The following ABLIM3 variants were observed in gnomAD, a reference collection of about 807,000 sequenced individuals.
ABLIM3 encodes the protein actin-binding LIM protein 3.
ABLIM3 carries 61 observed loss-of-function variants against 109.5 expected under a neutral mutation model. The observed-to-expected ratio is 0.56, with a 90% CI of 0.45 to 0.69. The LOEUF (loss-of-function observed/expected upper bound fraction) is 0.69. ABLIM3 is among the 30% of genes least tolerant of loss of function. The pLI is 0.00. For synonymous variants in ABLIM3, 300 were observed against 324.8 expected, an observed-to-expected ratio of 0.92 and a Z score of 0.82; for missense variants, 796 against 889.5, an observed-to-expected ratio of 0.89 and a Z score of 1.34.
rs541830091 is a variant in ABLIM3, at chr5:149,151,356, T to A, written c.13+9248T>A. 1.6e-4 allele frequency among the ~76,000 whole-genome samples: 25 copies of A among 152,356 alleles called. No homozygotes were observed. The South Asian group carries it at 5.0e-3, about 30-fold the overall frequency. On this transcript the variant is annotated intron_variant, in intron 2 of 23. Coordinates refer to ENST00000309868, the MANE Select transcript of ABLIM3 (RefSeq NM_014945.5). ...GTAAAGACTCTATTGCCAAATACGGTTATATTCTGAGGTACTGAGGGGTAG... is the reference window on the plus strand; with the variant it reads ...GTAAAGACTCTATTGCCAAATACGGATATATTCTGAGGTACTGAGGGGTAG...
intron 2 of ABLIM3, among the ~76,000 whole-genome samples, chr5:149,165,018 G>A (rs984518651): frequency 6.6e-6 from 1 of 152,138 alleles, no homozygotes; most frequent in African/African-American, 2.4e-5. Flanking sequence ...GCTTTTTGTT[G>A]GAGGACACAT....
At chr5:149,225,624 A>T (rs1240949824) in intron 8 of ABLIM3, among the ~76,000 whole-genome samples, 1 of 152,016 alleles carries the variant, frequency 6.6e-6, no homozygotes, top group Non-Finnish European at 1.5e-5. Flanking sequence ...TTCTTCAGTG[A>T]CGTTTTGTGA....
intron 15 of ABLIM3, 168 bp downstream of exon 15, chr5:149,242,706 G>T (rs549294718): frequency 5.3e-5 from 38 of 713,248 alleles, no homozygotes; most frequent in Non-Finnish European, 7.4e-5. Flanking sequence ...GCAGAGTTTG[G>T]TATCATTTCA....
chr5:149,232,950 T>C (rs1717813921), intron 9 of ABLIM3, among the ~76,000 whole-genome samples: 1 of 152,220 alleles, frequency 6.6e-6, no homozygotes, highest in Admixed American at 6.5e-5. Context: ...TAACTCAAAA[T>C]GAAAAGTTTT....
intron 8 of ABLIM3, among the ~76,000 whole-genome samples, chr5:149,228,526 C>T (rs1761537514): frequency 1.3e-5 from 2 of 152,174 alleles, no homozygotes; most frequent in South Asian, 4.1e-4. Flanking sequence ...AGAGAATAAC[C>T]ATCTTCTTCA....
At chr5:149,151,038 T>C (rs1314051448) in intron 2 of ABLIM3, among the ~76,000 whole-genome samples, 4 of 152,274 alleles carry the variant, frequency 2.6e-5, no homozygotes, top group East Asian at 3.8e-4. Flanking sequence ...CTAGGGCTAC[T>C]GCACCAAAGT....
chr5:149,189,397 C>T (rs566125138), intron 3 of ABLIM3, among the ~76,000 whole-genome samples: 67 of 152,178 alleles, frequency 4.4e-4, no homozygotes, highest in African/African-American at 1.6e-3. Context: ...TCAAAATACA[C>T]CATCAAGAAT....
At chr5:149,208,348 TTGTC>T (rs1447895924) in intron 6 of ABLIM3, among the ~76,000 whole-genome samples, 1 of 123,382 alleles carries the variant, frequency 8.1e-6, no homozygotes, top group Non-Finnish European at 1.7e-5. Flanking sequence ...ATCTATCTTT[TTGTC>T]TCTCTCTCTC....
intron 8 of ABLIM3, chr5:149,220,402 G>A (rs1404625895): frequency 6.6e-6 from 1 of 152,200 alleles, no homozygotes; most frequent in African/African-American, 2.4e-5. Context: ...AGATGAGCCT[G>A]TCACCTTCTC....
intron 2 of ABLIM3, among the ~76,000 whole-genome samples, chr5:149,174,021 C>CAAAAAAAAAAAAAAAAAA (rs57000637): frequency 2.5e-5 from 1 of 40,218 alleles, no homozygotes; most frequent in African/African-American, 8.9e-5. Context: ...GACTCCGTCT[C>CAAAAAAAAAAAAAAAAAA]AAAAAAAAAA....
intron 6 of ABLIM3, among the ~76,000 whole-genome samples, chr5:149,210,366 A>G (rs1455960045): frequency 2.0e-5 from 3 of 152,206 alleles, no homozygotes; most frequent in African/African-American, 7.2e-5. Context: ...ATTCTGACTC[A>G]TAGGGTTGCC....
chr5:149,226,622 G>A (rs1761311929), intron 8 of ABLIM3, among the ~76,000 whole-genome samples: 1 of 152,192 alleles, frequency 6.6e-6, no homozygotes, highest in Admixed American at 6.5e-5. Context: ...CTGGTGACCT[G>A]CAGTATCTAA....
chr5:149,251,050 G>GCAGGGT (rs1753875559), intron 20 of ABLIM3, among the ~76,000 whole-genome samples: 1 of 152,208 alleles, frequency 6.6e-6, no homozygotes, highest in Non-Finnish European at 1.5e-5. Flanking sequence ...AGAGTTCATG[G>GCAGGGT]AAGGAGTGAC....
chr5:149,228,863 G>A (rs183413162), intron 8 of ABLIM3, among the ~76,000 whole-genome samples: 22 of 152,228 alleles, frequency 1.4e-4, no homozygotes, highest in African/African-American at 5.3e-4. Flanking sequence ...TTTTATTTCA[G>A]AGTGAAATGC....
chr5:149,147,027 C>T (rs1752993405), intron 2 of ABLIM3, among the ~76,000 whole-genome samples: 1 of 152,016 alleles, frequency 6.6e-6, no homozygotes, highest in Admixed American at 6.6e-5. Context: ...AGAGATCTTT[C>T]ACCTCCTTGG....
intron 2 of ABLIM3, among the ~76,000 whole-genome samples, chr5:149,178,469 A>C (rs1317813764): frequency 3.9e-5 from 6 of 152,224 alleles, no homozygotes; most frequent in Admixed American, 1.3e-4. Flanking sequence ...AATTATTCAC[A>C]GTTGTTACGC....
At chr5:149,210,371 G>T (rs1159397270) in intron 6 of ABLIM3, among the ~76,000 whole-genome samples, 2 of 152,118 alleles carry the variant, frequency 1.3e-5, no homozygotes, top group Non-Finnish European at 2.9e-5. Context: ...GACTCATAGG[G>T]TTGCCATCAA....
At chr5:149,239,535 A>G (rs1752576453) in intron 12 of ABLIM3, among the ~76,000 whole-genome samples, 3 of 152,126 alleles carry the variant, frequency 2.0e-5, no homozygotes, top group Non-Finnish European at 4.4e-5. Flanking sequence ...GATTGACCCC[A>G]TAGATTCCAT....
intron 2 of ABLIM3, among the ~76,000 whole-genome samples, chr5:149,182,100 A>G (rs1756520458): frequency 6.6e-6 from 1 of 152,322 alleles, no homozygotes; most frequent in Admixed American, 6.5e-5. Flanking sequence ...AAAGGTTCAA[A>G]TTTCCAGTGA....
Sources: gnomAD v4.1 joint callset for allele counts (sites outside exome capture counted in the v4.1 genomes callset) on GRCh38, gnomAD v4.1.1 for gene constraint, MANE v1.5 for transcripts, NCBI Gene and HGNC (gene_info 2026-07-23, HGNC 2026-07-21) for gene names.